Variants in YBX3 observed in about 807,000 individuals in gnomAD.
YBX3 encodes Y-box-binding protein 3.
In YBX3, 29 loss-of-function variants were observed where a neutral mutation model predicts 42.4. That is an observed-to-expected ratio of 0.68 (90% CI 0.51 to 0.93). YBX3 has a LOEUF of 0.93. YBX3 is among the 40% of genes least tolerant of loss of function. The pLI, the probability that YBX3 is intolerant of heterozygous loss-of-function variation, is 0.00. For missense variants in YBX3, 517 were observed against 527.5 expected (o/e 0.98, Z 0.19); for synonymous variants, 195 against 189.8 (o/e 1.03, Z -0.22).
In YBX3 at chr12:10,702,157, T is replaced by G. The variant is rs113020416; in HGVS notation, c.879-23A>C. The G allele has an allele frequency of 2.5e-6, 4 of 1,603,028 alleles. No homozygotes were observed. In the East Asian group the frequency reaches 8.9e-5, roughly 36 times the overall value. On this transcript the variant is annotated intron_variant, in intron 7 of 9. Coordinates refer to ENST00000228251, the MANE Select transcript of YBX3 (RefSeq NM_003651.5). ...CTGCTGTAGGGAACACAGAAGAAAA[T>G]AGAACAGGTGCCAACAGGACAGGGC...
rs367739979 is a variant in YBX3 at position 10,701,238 on chromosome 12, C to G, written c.*34+16G>C. On this transcript the variant is annotated intron_variant, in intron 9 of 9. Coordinates refer to ENST00000228251, the MANE Select transcript of YBX3 (RefSeq NM_003651.5). ...AAGAAAATACCAACTCAAGACTGGG[C>G]TGCCCCAGCTCTTACCTGCCGATGG... is the stretch of plus-strand genomic sequence containing the variant. The G allele has an allele frequency of 1.3e-6, 1 of 771,304 alleles. No homozygotes were observed. Among genetic ancestry groups the G allele is most frequent in the Non-Finnish European group, 2.4e-6 (1 of 415,834 alleles). The allele number at this position is 771,304 out of a possible 1,614,324, so 47.8% of individuals were successfully genotyped here.
chr12:10,715,827 T>G (rs550598669), intron 3 of YBX3, 44 bp from the exon 4 acceptor site: 1 of 1,523,214 alleles, frequency 6.6e-7, no homozygotes, highest in African/African-American at 1.4e-5. Context: ...TATTTCAATA[T>G]TGGCCACAGA....
intron 3 of YBX3, 165 bp downstream of exon 3, chr12:10,717,923 T>G: frequency 2.0e-6 from 1 of 491,578 alleles, no homozygotes; most frequent in Non-Finnish European, 3.5e-6. Flanking sequence ...GAAGAACTTA[T>G]TTGCCAATCT....
chr12:10,699,710 G>C (rs1403744785), intron 9 of YBX3, 56 bp from the exon 10 acceptor site: 1 of 152,440 alleles, frequency 6.6e-6, no homozygotes, highest in Non-Finnish European at 1.5e-5. Flanking sequence ...ATGAGTTAAA[G>C]AATAAAAAGG....
At chr12:10,721,146 G>T (rs188922277) in intron 1 of YBX3, among the ~76,000 whole-genome samples, 1 of 152,344 alleles carries the variant, frequency 6.6e-6, no homozygotes, top group East Asian at 1.9e-4. Context: ...AAGGAAAGGG[G>T]ATGGCAGGAC....
intron 5 of YBX3, chr12:10,711,172 TATATC>T (rs1414894603): frequency 6.6e-6 from 1 of 152,170 alleles, no homozygotes; most frequent in Non-Finnish European, 1.5e-5. Flanking sequence ...CTATTTAAAT[TATATC>T]ATATACTACC....
rs756114583 is a variant in YBX3 at position 10,702,012 on chromosome 12, T to C, written c.1001A>G (p.Asn334Ser). Residue 334 changes from asparagine (N) to serine (S), a missense_variant, in exon 8 of 10, where the codon AAT becomes AGT. Physicochemically the swap from Asn to Ser is conservative, Grantham distance 46. This residue lies in a region of YBX3 where 420 missense variants were observed against 408.5 expected (regional missense o/e 1.03). Transcript: ENST00000228251. ...AGGAGGACGCGGGCGACGCCGGTAA[T>C]TGTAGGGACGCCGGTATCCACGGCG... ...SVRRGYRRPY[N>S]YRRRPRPPNA... 3.1e-6 allele frequency: 5 copies of C among 1,613,920 alleles called. No individual in the cohort carries two copies. The South Asian group carries it at 3.3e-5, about 11-fold the overall frequency.
At position 10,723,201 on chromosome 12, in the gene YBX3, TC is replaced by T. The variant is rs1351596858; in HGVS notation, c.-91del. 1.7e-6 allele frequency: 2 copies of T among 1,172,896 alleles called. No individual in the cohort carries two copies. The highest frequency in any genetic ancestry group is 7.6e-5 in the East Asian group (2 of 26,206). 72.7% of individuals were successfully genotyped at this position (1,172,896 alleles called of 1,614,324 possible). On this transcript the variant is annotated 5_prime_UTR_variant, in exon 1 of 10. Coordinates refer to ENST00000228251, the MANE Select transcript of YBX3 (RefSeq NM_003651.5). Reference sequence around the variant, plus strand: ...GGTGGTCGCGGCGGCCGGGGCTCGCTCTCGGGGAGGCCGGGGCGGATCTCGC... The same window carrying T: ...GGTGGTCGCGGCGGCCGGGGCTCGCTTCGGGGAGGCCGGGGCGGATCTCGC...
At chr12:10,701,571 A>G (rs1017454757) in intron 8 of YBX3, among the ~76,000 whole-genome samples, 1 of 151,364 alleles carries the variant, frequency 6.6e-6, no homozygotes, top group Admixed American at 6.6e-5. Flanking sequence ...ACAAAAAACA[A>G]AACAAAACAA....
intron 3 of YBX3, chr12:10,717,715 A>G (rs1350601744): frequency 6.2e-6 from 1 of 161,282 alleles, no homozygotes; most frequent in Non-Finnish European, 1.3e-5. Context: ...ATACCTACCC[A>G]GGCAGAAGCC....
chr12:10,702,198 G>C, intron 7 of YBX3, 64 bp from the exon 8 acceptor site: 1 of 1,485,674 alleles, frequency 6.7e-7, no homozygotes, highest in Non-Finnish European at 9.0e-7. Flanking sequence ...CAGAAAATAA[G>C]GTTTTATTTA....
At chr12:10,713,459 A>C (rs1948224438) in intron 4 of YBX3, 126 bp from the exon 5 acceptor site, 1 of 1,212,800 alleles carries the variant, frequency 8.2e-7, no homozygotes, top group Non-Finnish European at 1.1e-6. Flanking sequence ...TGATTTTAAA[A>C]ACAGATCTAG....
rs1487210788 is a variant in YBX3 at position 10,704,161 on chromosome 12, T to C, written c.781-13A>G. On this transcript the variant is annotated splice_polypyrimidine_tract_variant and intron_variant, in intron 6 of 9. Transcript: ENST00000228251. Reference sequence around the variant, plus strand: ...CAATCTCACCAGCCTGGAGAGGCAATGAGAGCTGACAGTGAGTGTCACAGC... The same window carrying C: ...CAATCTCACCAGCCTGGAGAGGCAACGAGAGCTGACAGTGAGTGTCACAGC... 6.2e-7 allele frequency: 1 copy of C among 1,609,318 alleles called. No homozygotes were observed. Among genetic ancestry groups the C allele is most frequent in the South Asian group, 1.1e-5 (1 of 90,962 alleles).
intron 9 of YBX3, 67 bp downstream of exon 9, chr12:10,701,187 C>T: frequency 1.3e-6 from 1 of 744,434 alleles, no homozygotes; most frequent in South Asian, 1.5e-5. Flanking sequence ...AATTTGTACT[C>T]TTGTTGAGAA....
chr12:10,720,879 TG>T (rs1948316764), intron 1 of YBX3: 1 of 152,232 alleles, frequency 6.6e-6, no homozygotes. Flanking sequence ...GGACTTCTTA[TG>T]ATCAAATTCA....
chr12:10,700,908 G>A (rs1948071073), intron 9 of YBX3, among the ~76,000 whole-genome samples: 1 of 152,114 alleles, frequency 6.6e-6, no homozygotes, highest in African/African-American at 2.4e-5. Context: ...TACTAAACAG[G>A]TTCTGAAACT....
chr12:10,701,819 C>A (rs1284998343), intron 8 of YBX3, 141 bp downstream of exon 8: 5 of 936,258 alleles, frequency 5.3e-6, no homozygotes, highest in Non-Finnish European at 8.1e-6. Flanking sequence ...CAAGGCATAC[C>A]CTATATATAT....
chr12:10,720,510 T>C lies in YBX3; in HGVS notation c.263-1367A>G, dbSNP rs574272495. Among the ~76,000 whole-genome samples, 23 of 129,150 alleles carry C rather than the reference T, an allele frequency of 1.8e-4. No homozygotes were observed. In the East Asian group the frequency reaches 4.5e-3, roughly 25 times the overall value. The allele number at this position is 129,150 out of a possible 152,430, so 84.7% of individuals were successfully genotyped here. A position where few individuals can be genotyped will look rare whatever the true frequency, so the allele number is the denominator to read the frequency against. ...CATCTTACGTTTGAGGCCACTCTGA[T>C]TGGAGCAGCAAGGCAAAGGAGAAAA... On this transcript the variant is annotated intron_variant, in intron 1 of 9. Transcript: ENST00000228251.
chr12:10,710,052 A>G lies in YBX3; in HGVS notation c.636T>C (p.Thr212=). 2 of 1,614,190 alleles carry G rather than the reference A, an allele frequency of 1.2e-6. No homozygotes were observed. The highest frequency in any genetic ancestry group is 8.5e-7 in the Non-Finnish European group (1 of 1,180,018). ...TCCGGGCCCCAGAGAACTGCCTATC[A>G]GTGGCAGGGGGGTCAAATCCTTCAC... ...GSSEGFDPPA[T]DRQFSGARNQ... Residue 212 remains threonine, a synonymous_variant, in exon 6 of 10, where the codon ACT becomes ACC. Coordinates refer to ENST00000228251, the MANE Select transcript of YBX3 (RefSeq NM_003651.5).
Sources: gnomAD v4.1 joint callset for allele counts (sites outside exome capture counted in the v4.1 genomes callset) on GRCh38, gnomAD v4.1.1 for gene constraint, gnomAD v4.1.1 regional missense constraint, MANE v1.5 for transcripts, NCBI Gene and HGNC (gene_info 2026-07-23, HGNC 2026-07-21) for gene names.